Variants in ZAN observed in about 807,000 individuals in gnomAD.
ZAN encodes the protein zonadhesin (gene/pseudogene).
Under a neutral mutation model 286.2 loss-of-function variants are expected in ZAN, and 260 were observed. The observed-to-expected ratio is 0.91, with a 90% CI of 0.82 to 1.01. The LOEUF is 1.01. Ranked by LOEUF, ZAN falls within the 50% of genes least tolerant of loss-of-function variation. The pLI, the probability that ZAN is intolerant of heterozygous loss-of-function variation, is 0.00. For synonymous variants in ZAN, 1,368 were observed against 1,417.5 expected (o/e 0.97, Z 0.79); for missense variants, 3,410 against 3,639.2 (o/e 0.94, Z 1.62).
rs773932673 is a variant in ZAN, at chr7:100,768,704, T to C, written c.5136T>C (p.Pro1712=). 3.1e-6 allele frequency: 5 copies of C among 1,601,136 alleles called. No homozygotes were observed. The highest frequency in any genetic ancestry group is 1.3e-5 in the African/African-American group (1 of 74,612). ...SMQLGAAWKL[P]ESSEPGCFLV... is the part of the protein sequence containing the mutation. ...AGCTGGGGGCCGCCTGGAAGTTACC[T>C]GAATCCTCTGAACCTGGGTGAGCTG... is the stretch of plus-strand genomic sequence containing the variant. The change falls in exon 27 of 48, where the codon CCT becomes CCC. Residue 1712 remains proline (P), a synonymous_variant. Coordinates refer to ENST00000613979, the MANE Select transcript of ZAN (RefSeq NM_003386.3).
chr7:100,750,784 G>T lies in ZAN; in HGVS notation c.1409G>T (p.Gly470Val). 15 of 1,612,578 alleles carry T rather than the reference G, an allele frequency of 9.3e-6. No homozygotes were observed. The highest frequency in any genetic ancestry group is 1.3e-5 in the Non-Finnish European group (15 of 1,179,082). ...GGTACTATGCTCGAACTCCTCCTGG[G>T]AAGTCCTGCGGGGAGTCCCCCGATT... ...GEGTMLELLL[G>V]SPAGSPPIPL... The change falls in exon 12 of 48, where the codon GGA becomes GTA. Residue 470 changes from glycine to valine, a missense_variant. Physicochemically the swap from Gly to Val is moderately radical, Grantham distance 109. Around this residue, in one of 7 missense-constraint regions of ZAN, gnomAD observed 872 missense variants for 938.9 expected, o/e 0.93. Transcript: ENST00000613979.
chr7:100,736,816 C>A lies in ZAN; in HGVS notation c.261C>A (p.Ser87Arg). The part of the protein sequence containing the change: ...APGGYPNGEG[S>R]YLHMESNSFH... ...GGGCTCTGCCTCCCCCAGAGGGCAGCTATCTGCATATGGAATCGAACAGCT... is the reference window on the plus strand; with the variant it reads ...GGGCTCTGCCTCCCCCAGAGGGCAGATATCTGCATATGGAATCGAACAGCT... Residue 87 changes from serine to arginine, a missense_variant, in exon 5 of 48, where the codon AGC becomes AGA. This residue lies in a region of ZAN where 872 missense variants were observed against 938.9 expected (regional missense o/e 0.93). Transcript: ENST00000613979. 1 of 1,476,232 alleles carries A rather than the reference C, an allele frequency of 6.8e-7. No homozygotes were observed. The allele number at this position is 1,476,232 out of a possible 1,614,324, so 91.4% of individuals were successfully genotyped here. A position where few individuals can be genotyped will look rare whatever the true frequency, so the allele number is the denominator to read the frequency against.
In ZAN at chr7:100,734,235, A is replaced by AG. The variant is rs1562906625; in HGVS notation, c.53+19dup. 1 of 1,427,838 alleles carries AG rather than the reference A, an allele frequency of 7.0e-7. No homozygotes were observed. Among genetic ancestry groups the AG allele is most frequent in the Admixed American group, 2.2e-5 (1 of 45,954 alleles). 88.4% of individuals were successfully genotyped at this position (1,427,838 alleles called of 1,614,324 possible). On this transcript the variant is annotated intron_variant, in intron 2 of 47. Coordinates refer to ENST00000613979, the MANE Select transcript of ZAN (RefSeq NM_003386.3). ...TGCCCTTTTCAGGTAAGCTGGGCCC[A>AG]GGGGGTAATGATAAACCAGGGTCAG...
chr7:100,734,096 G>A lies in ZAN; in HGVS notation c.-73G>A. 1.0e-6 allele frequency: 1 copy of A among 1,004,032 alleles called. No homozygotes were observed. Among genetic ancestry groups the A allele is most frequent in the Non-Finnish European group, 1.5e-6 (1 of 662,934 alleles). The allele number at this position is 1,004,032 out of a possible 1,614,324, so 62.2% of individuals were successfully genotyped here. A position where few individuals can be genotyped will look rare whatever the true frequency, so the allele number is the denominator to read the frequency against. On this transcript the variant is annotated 5_prime_UTR_variant, in exon 2 of 48. Transcript: ENST00000613979. ...AGGATGCCAAGCTAAGGAGGCCAGG[G>A]GGGAATAAAAGGAGTCCAGGCTCCC...
At chr7:100,765,162 G>C (rs868751517) in intron 22 of ZAN, among the ~76,000 whole-genome samples, 190 bp from the exon 23 acceptor site, 40 of 152,144 alleles carry the variant, frequency 2.6e-4, no homozygotes, top group African/African-American at 7.7e-4. Context: ...CAGGGCCGGC[G>C]CCTTAGTGCT....
At chr7:100,795,167 C>A in intron 44 of ZAN, 29 bp from the exon 45 acceptor site, 1 of 1,596,272 alleles carries the variant, frequency 6.3e-7, no homozygotes, top group South Asian at 1.1e-5. Context: ...CCCAGGGCCC[C>A]CCTCCCACAA....
Position 100,752,572 on chromosome 7 carries a change from A to T in ZAN, c.2467A>T (p.Thr823Ser). The change falls in exon 14 of 48, where the codon ACT (threonine) becomes TCT (serine). Residue 823 changes from threonine to serine, a missense_variant. Thr to Ser is a moderately conservative substitution (Grantham distance 58). Coordinates refer to ENST00000613979, the MANE Select transcript of ZAN (RefSeq NM_003386.3). Reference protein sequence around the residue: ...EKPSIPMEKPTLPTEETTTSV... With the variant: ...EKPSIPMEKPSLPTEETTTSV... ...ACCCAGCATCCCCATGGAAAAACCC[A>T]CTCTCCCCACTGAAGAAACCACCAC... The T allele has an allele frequency of 6.2e-7, 1 of 1,612,126 alleles. No homozygotes were observed.
At position 100,767,088 on chromosome 7, in the gene ZAN, G is replaced by A. The variant is rs568892913; in HGVS notation, c.4691G>A (p.Cys1564Tyr). 9.9e-5 allele frequency: 160 copies of A among 1,613,928 alleles called. 3 individuals are homozygous for A. In the South Asian group the frequency reaches 1.7e-3, roughly 17 times the overall value. Residue 1564 changes from cysteine to tyrosine, a missense_variant, in exon 25 of 48, where the codon TGC (cysteine) becomes TAC (tyrosine). Transcript: ENST00000613979. ...DGALHHFMGT[C>Y]TYVLTRPCWS... Reference sequence around the variant, plus strand: ...GCCTTGCACCACTTCATGGGCACCTGCACCTATGTCCTGACCCGGCCTTGC... The same window carrying A: ...GCCTTGCACCACTTCATGGGCACCTACACCTATGTCCTGACCCGGCCTTGC...
chr7:100,743,625 C>T (rs1270115707), intron 7 of ZAN, among the ~76,000 whole-genome samples: 2 of 151,862 alleles, frequency 1.3e-5, no homozygotes, highest in Non-Finnish European at 2.9e-5. Context: ...GCCTGTAATC[C>T]CAGCACTTTG....
At chr7:100,747,712 C>T in intron 9 of ZAN, 71 bp downstream of exon 9, 1 of 1,433,892 alleles carries the variant, frequency 7.0e-7, no homozygotes, top group Non-Finnish European at 9.8e-7. Context: ...ATTGAGGGGC[C>T]TGGTGCTGTG....
rs901174923 is a variant in ZAN at position 100,767,141 on chromosome 7, G to T, written c.4744G>T (p.Val1582Phe). The stretch of plus-strand genomic sequence containing the variant: ...GTCCAGGTCCCAAGACAGCTATTTT[G>T]TTGTGAGCGCCACCAACGAGAACCG... ...CWSRSQDSYF[V>F]VSATNENRGG... Residue 1582 changes from valine to phenylalanine, a missense_variant, in exon 25 of 48, where the codon GTT becomes TTT. Val to Phe is a conservative substitution (Grantham distance 50, BLOSUM62 -1). Transcript: ENST00000613979. 6.2e-7 allele frequency: 1 copy of T among 1,613,908 alleles called. No homozygotes were observed. The highest frequency in any genetic ancestry group is 8.5e-7 in the Non-Finnish European group (1 of 1,179,882).
chr7:100,778,792 C>T (rs56872215), intron 34 of ZAN, among the ~76,000 whole-genome samples: 8,898 of 151,772 alleles, frequency 0.059, 1,299 homozygotes, highest in East Asian at 0.51. Context: ...CAGCACTTCG[C>T]GAGGCCGAGG....
chr7:100,766,178 G>T (rs1809956684), intron 23 of ZAN, among the ~76,000 whole-genome samples: 1 of 151,970 alleles, frequency 6.6e-6, no homozygotes, highest in Admixed American at 6.6e-5. Context: ...GTACAGATGG[G>T]GTTTCTCCAT....
chr7:100,736,927 C>T lies in ZAN; in HGVS notation c.372C>T (p.Phe124=), dbSNP rs772798215. 49 of 1,498,780 alleles carry T rather than the reference C, an allele frequency of 3.3e-5. 11 individuals are homozygous for T. Among genetic ancestry groups the T allele is most frequent in the East Asian group, 4.7e-5 (2 of 42,850 alleles). The allele number at this position is 1,498,780 out of a possible 1,614,324, so 92.8% of individuals were successfully genotyped here. A position where few individuals can be genotyped will look rare whatever the true frequency, so the allele number is the denominator to read the frequency against. Residue 124 remains phenylalanine, a synonymous_variant, in exon 5 of 48, where the codon TTC becomes TTT. Coordinates refer to ENST00000613979, the MANE Select transcript of ZAN (RefSeq NM_003386.3). ...GTGTGCACTTTGCCCACCACATGTTCGGGCTGTCTTGGGGCGCCCAGCTCA... is the reference window on the plus strand; with the variant it reads ...GTGTGCACTTTGCCCACCACATGTTTGGGCTGTCTTGGGGCGCCCAGCTCA... ...PLCVHFAHHM[F]GLSWGAQLRL...
intron 19 of ZAN, 102 bp from the exon 20 acceptor site, chr7:100,762,113 C>T (rs1324102070): frequency 2.0e-6 from 3 of 1,467,128 alleles, no homozygotes; most frequent in Non-Finnish European, 2.8e-6. Context: ...CTCCTCACGC[C>T]CTCTGTTTTA....
rs565674960 is a variant in ZAN at position 100,765,452 on chromosome 7, C to T, written c.4368C>T (p.Cys1456=). 8 of 1,613,788 alleles carry T rather than the reference C, an allele frequency of 5.0e-6. No homozygotes were observed. In the Admixed American group the frequency reaches 8.3e-5, roughly 17 times the overall value. The change falls in exon 23 of 48, where the codon TGC becomes TGT. Residue 1456 remains cysteine (C), a synonymous_variant. Coordinates refer to ENST00000613979, the MANE Select transcript of ZAN (RefSeq NM_003386.3). The part of the protein sequence containing the change: ...GFSGMFCSDR[C]VEACECNPGF... ...CCGGCATGTTCTGCTCAGACCGGTGCGTGGAGGCCTGTGAATGCAATCCGG... is the reference window on the plus strand; with the variant it reads ...CCGGCATGTTCTGCTCAGACCGGTGTGTGGAGGCCTGTGAATGCAATCCGG...
At position 100,784,623 on chromosome 7, in the gene ZAN, C is replaced by T. The variant is rs1284719606; in HGVS notation, c.6623C>T (p.Pro2208Leu). ...PPLWRNSSFCPLECPAYSSYT... is the reference protein window; with the variant it reads ...PPLWRNSSFCLLECPAYSSYT... ...GACCCACTGTCTCCTTCACCCACAGCTCTGGAATGCCCTGCCTACAGCAGC... is the reference window on the plus strand; with the variant it reads ...GACCCACTGTCTCCTTCACCCACAGTTCTGGAATGCCCTGCCTACAGCAGC... Residue 2208 changes from proline to leucine, a missense_variant and splice_region_variant, in exon 36 of 48, where the codon CCT becomes CTT. Coordinates refer to ENST00000613979, the MANE Select transcript of ZAN (RefSeq NM_003386.3). 3.7e-6 allele frequency: 6 copies of T among 1,613,554 alleles called. No homozygotes were observed. The highest frequency in any genetic ancestry group is 5.1e-6 in the Non-Finnish European group (6 of 1,179,794).
chr7:100,747,988 A>G (rs1183678909), intron 9 of ZAN, 149 bp from the exon 10 acceptor site: 15 of 191,144 alleles, frequency 7.8e-5, no homozygotes, highest in Admixed American at 1.5e-4. Flanking sequence ...CAAGACTCTG[A>G]AAAAAAAAAA....
rs201771583 is a variant in ZAN at position 100,795,202 on chromosome 7, C to G, written c.8132C>G (p.Pro2711Arg). The change falls in exon 45 of 48, where the codon CCG becomes CGG. Residue 2711 changes from proline to arginine, a missense_variant. By Grantham distance (103) the Pro-to-Arg change is moderately radical. Coordinates refer to ENST00000613979, the MANE Select transcript of ZAN (RefSeq NM_003386.3). ...ACCCTCTCTGTCCTTGCAGAAAGCC[C>G]GTGTCTGCAGAACCCCTGTCAGAAT... is the stretch of plus-strand genomic sequence containing the variant. ...NHTQGCFPESPCLQNPCQNDG... is the reference protein window; with the variant it reads ...NHTQGCFPESRCLQNPCQNDG... The G allele has an allele frequency of 3.1e-6, 5 of 1,607,298 alleles. No homozygotes were observed. Among genetic ancestry groups the G allele is most frequent in the East Asian group, 4.5e-5 (2 of 44,166 alleles).
Sources: allele counts gnomAD v4.1 joint callset (sites outside exome capture counted in the v4.1 genomes callset), GRCh38; gene constraint gnomAD v4.1.1; regional missense constraint gnomAD v4.1.1; transcripts MANE v1.5; gene names NCBI Gene and HGNC (gene_info 2026-07-23, HGNC 2026-07-21).